PJA2: variants seen among roughly 807,000 people sequenced by gnomAD.
The protein encoded by PJA2 is praja ring finger ubiquitin ligase 2.
PJA2 carries 25 observed loss-of-function variants against 69.3 expected under a neutral mutation model. The ratio of observed to expected loss-of-function variants is 0.36; its 90% confidence interval spans 0.26 to 0.50. The LOEUF is 0.50. Ranked by LOEUF, PJA2 falls within the 20% of genes least tolerant of loss-of-function variation. The pLI is 0.96. For missense variants in PJA2, 809 were observed against 830.2 expected (o/e 0.97, Z 0.31); for synonymous variants, 308 against 277.8 (o/e 1.11, Z -1.08).
intron 1 of PJA2, among the ~76,000 whole-genome samples, chr5:109,405,978 G>C (rs1256306516): frequency 2.7e-5 from 4 of 150,374 alleles, no homozygotes; most frequent in African/African-American, 9.8e-5. Context: ...GTATCTCTGT[G>C]TGTCAAATGA....
chr5:109,379,728 T>G (rs187531045), intron 3 of PJA2, among the ~76,000 whole-genome samples: 1 of 152,202 alleles, frequency 6.6e-6, no homozygotes, highest in Admixed American at 6.5e-5. Context: ...TAAGAGAAAT[T>G]AGACCCTATT....
In PJA2 at chr5:109,336,293, T is replaced by G. The variant is rs1466016093; in HGVS notation, c.*938A>C. ...TGTGTGTGATCACCTGAAGGAGACATTGTGCATCTTAGTTTGGGGTTATAT... is the reference window on the plus strand; with the variant it reads ...TGTGTGTGATCACCTGAAGGAGACAGTGTGCATCTTAGTTTGGGGTTATAT... On this transcript the variant is annotated 3_prime_UTR_variant, in exon 10 of 10. Transcript: ENST00000361189. 1 of 152,224 alleles carries G rather than the reference T, an allele frequency of 6.6e-6. No individual in the cohort carries two copies. The highest frequency in any genetic ancestry group is 2.4e-5 in the African/African-American group (1 of 41,450). 9.4% of individuals were successfully genotyped at this position (152,224 alleles called of 1,614,324 possible). A position where few individuals can be genotyped will look rare whatever the true frequency, so the allele number is the denominator to read the frequency against.
At chr5:109,402,365 TA>T (rs1038411822) in intron 1 of PJA2, among the ~76,000 whole-genome samples, 1 of 152,052 alleles carries the variant, frequency 6.6e-6, no homozygotes, top group African/African-American at 2.4e-5. Context: ...ATACAAACAC[TA>T]AAAGGAGGCT....
chr5:109,376,036 G>C (rs1485111592), intron 4 of PJA2, among the ~76,000 whole-genome samples: 3 of 152,054 alleles, frequency 2.0e-5, no homozygotes, highest in African/African-American at 7.2e-5. Flanking sequence ...TACAGTCCTA[G>C]GCAGAACCAT....
rs183199783 is a variant in PJA2, at chr5:109,386,773, C to T, written c.-87-3253G>A. ...CCTCATACTTTAGTACAGTTCAAGA[C>T]AAAATCATTTTTTCTAAACTCTGAA... On this transcript the variant is annotated intron_variant, in intron 1 of 9. Transcript: ENST00000361189. Among the ~76,000 whole-genome samples the T allele has an allele frequency of 2.2e-4, 34 of 152,170 alleles. No homozygotes were observed. In the East Asian group the frequency reaches 5.0e-3, roughly 22 times the overall value.
At chr5:109,406,703 C>T (rs1371675285) in intron 1 of PJA2, among the ~76,000 whole-genome samples, 1 of 152,020 alleles carries the variant, frequency 6.6e-6, no homozygotes, top group African/African-American at 2.4e-5. Flanking sequence ...CACAAAAATT[C>T]AAAATAAATG....
chr5:109,348,354 C>T lies in PJA2; in HGVS notation c.1765-3535G>A, dbSNP rs115525276. Among the ~76,000 whole-genome samples the T allele has an allele frequency of 6.7e-3, 1,025 of 152,260 alleles. 11 individuals carry two copies. Among genetic ancestry groups the T allele is most frequent in the African/African-American group, 0.024 (978 of 41,542 alleles). On this transcript the variant is annotated intron_variant, in intron 7 of 9. Transcript: ENST00000361189. ...GATGCTCTTGCTCCTAAAAATCAAA[C>T]GCAAAATGTAATTGTGTGGATTGCT...
chr5:109,362,189 T>C (rs887225141), intron 6 of PJA2, among the ~76,000 whole-genome samples: 2 of 152,220 alleles, frequency 1.3e-5, no homozygotes, highest in Non-Finnish European at 2.9e-5. Flanking sequence ...ATCCTTTCTA[T>C]ATCTCAATAG....
intron 2 of PJA2, 120 bp downstream of exon 2, chr5:109,383,280 TGGA>T: frequency 1.4e-6 from 1 of 711,680 alleles, no homozygotes; most frequent in Non-Finnish European, 2.3e-6. Context: ...ATTCAATATA[TGGA>T]TCAAAACCAG....
At chr5:109,369,165 A>G (rs145353525) in intron 4 of PJA2, among the ~76,000 whole-genome samples, 2 of 152,038 alleles carry the variant, frequency 1.3e-5, no homozygotes, top group African/African-American at 4.8e-5. Flanking sequence ...AACCAATTAA[A>G]CCTCTTTTCT....
intron 4 of PJA2, among the ~76,000 whole-genome samples, chr5:109,373,456 C>T (rs911935749): frequency 3.9e-5 from 6 of 152,024 alleles, no homozygotes; most frequent in Admixed American, 2.6e-4. Context: ...AGAAAATTCA[C>T]ATTTACATAT....
In PJA2 at chr5:109,379,170, C is replaced by A. The variant is rs746308039; in HGVS notation, c.317G>T (p.Gly106Val). Residue 106 changes from glycine to valine, a missense_variant, in exon 4 of 10, where the codon GGT (glycine) becomes GTT (valine). Physicochemically the swap from Gly to Val is moderately radical, Grantham distance 109 (BLOSUM62 -3). Transcript: ENST00000361189. ...CTCAGTGGTTTGATTCAATGCTGAA[C>A]CACAAGTGGGAATTTCTGTTTCACT... The part of the protein sequence containing the change: ...EKSETEIPTC[G>V]SALNQTTESS... The A allele has an allele frequency of 8.1e-6, 13 of 1,614,010 alleles. No homozygotes were observed. In the South Asian group the frequency reaches 1.3e-4, roughly 16 times the overall value.
intron 9 of PJA2, among the ~76,000 whole-genome samples, chr5:109,342,281 T>C (rs1582580592): frequency 1.4e-5 from 1 of 70,470 alleles, no homozygotes; most frequent in Non-Finnish European, 2.7e-5. Context: ...TACTGGGAAG[T>C]GAGGAGCCCC....
intron 1 of PJA2, among the ~76,000 whole-genome samples, chr5:109,389,053 T>C (rs1488181248): frequency 6.6e-6 from 1 of 152,218 alleles, no homozygotes; most frequent in Non-Finnish European, 1.5e-5. Flanking sequence ...ATTAACCCTT[T>C]TATATCTCAC....
intron 3 of PJA2, 70 bp from the exon 4 acceptor site, chr5:109,379,324 A>G: frequency 1.8e-6 from 2 of 1,105,630 alleles, no homozygotes; most frequent in South Asian, 1.6e-5. Flanking sequence ...AATAACTATC[A>G]CTTAAGTGGA....
intron 1 of PJA2, 149 bp from the exon 2 acceptor site, chr5:109,383,669 C>T (rs372623776): frequency 9.3e-5 from 39 of 420,224 alleles, no homozygotes; most frequent in East Asian, 6.9e-4. Context: ...GCCTGTGATC[C>T]GCCTTAGATT....
chr5:109,381,663 T>A lies in PJA2; in HGVS notation c.72A>T (p.Pro24=). ...QESGKAVWPK[P]AGGYQTITGR... ...CTGTAATTGTCTGATACCCTCCTGCTGGTTTGGGCCAGACAGCCTTACCAG... is the reference window on the plus strand; with the variant it reads ...CTGTAATTGTCTGATACCCTCCTGCAGGTTTGGGCCAGACAGCCTTACCAG... Residue 24 remains proline, a synonymous_variant, in exon 3 of 10, where the codon CCA becomes CCT. Transcript: ENST00000361189. 2 of 1,614,102 alleles carry A rather than the reference T, an allele frequency of 1.2e-6. No individual in the cohort carries two copies. Among genetic ancestry groups the A allele is most frequent in the Non-Finnish European group, 1.7e-6 (2 of 1,180,034 alleles).
chr5:109,404,697 T>C (rs1232403285), intron 1 of PJA2, among the ~76,000 whole-genome samples: 1 of 152,098 alleles, frequency 6.6e-6, no homozygotes, highest in Non-Finnish European at 1.5e-5. Flanking sequence ...GGGACCTCTT[T>C]TATAAGCACA....
At chr5:109,402,404 G>C (rs919380263) in intron 1 of PJA2, among the ~76,000 whole-genome samples, 7 of 152,084 alleles carry the variant, frequency 4.6e-5, no homozygotes, top group African/African-American at 1.7e-4. Context: ...ATTAGATAAA[G>C]TAGACTTTGG....
Sources: allele counts gnomAD v4.1 joint callset (sites outside exome capture counted in the v4.1 genomes callset), GRCh38; gene constraint gnomAD v4.1.1; transcripts MANE v1.5; gene names NCBI Gene and HGNC (gene_info 2026-07-23, HGNC 2026-07-21).